The following CNTN4 variants were observed in gnomAD, a reference collection of about 807,000 sequenced individuals.
CNTN4 encodes contactin 4.
A neutral mutation model predicts 122.5 loss-of-function variants in CNTN4; 77 were observed. The observed-to-expected ratio is 0.63, with a 90% CI of 0.52 to 0.76. The LOEUF (loss-of-function observed/expected upper bound fraction) is 0.76, where lower values mean the gene tolerates loss of function less well. Among genes scored for constraint, CNTN4 ranks in the 30% least tolerant of loss-of-function variants. CNTN4 has a pLI of 0.00. For synonymous variants in CNTN4, 512 were observed against 447.0 expected (o/e 1.15, Z -1.83); for missense variants, 1,256 against 1,259.1 (o/e 1.00, Z 0.04).
chr3:2,631,210 G>A (rs2082415128), intron 4 of CNTN4, among the ~76,000 whole-genome samples: 1 of 152,186 alleles, frequency 6.6e-6, no homozygotes, highest in African/African-American at 2.4e-5. Context: ...AAAAAGGAAA[G>A]TAGTTACTCT....
chr3:2,720,786 C>T (rs902904726), intron 4 of CNTN4, among the ~76,000 whole-genome samples: 2 of 152,154 alleles, frequency 1.3e-5, no homozygotes, highest in Non-Finnish European at 2.9e-5. Flanking sequence ...AAACTAATCT[C>T]AGCACTTTAA....
intron 7 of CNTN4, among the ~76,000 whole-genome samples, chr3:2,823,755 T>C (rs1029142351): frequency 2.6e-5 from 4 of 152,148 alleles, no homozygotes; most frequent in African/African-American, 9.7e-5. Context: ...TACGAAAATT[T>C]CTAGTTTATT....
chr3:3,003,112 A>G (rs746203063), intron 14 of CNTN4, among the ~76,000 whole-genome samples: 3 of 152,216 alleles, frequency 2.0e-5, no homozygotes, highest in Non-Finnish European at 2.9e-5. Context: ...CAAATGGCTC[A>G]TAGAGAAAGG....
intron 4 of CNTN4, among the ~76,000 whole-genome samples, chr3:2,582,460 G>C (rs1437813885): frequency 6.7e-6 from 1 of 150,206 alleles, no homozygotes; most frequent in Non-Finnish European, 1.5e-5. Context: ...TATAGTCATG[G>C]AAGGTGGCTG....
intron 2 of CNTN4, among the ~76,000 whole-genome samples, chr3:2,105,305 C>G (rs1028072065): frequency 2.4e-4 from 36 of 152,272 alleles, no homozygotes; most frequent in African/African-American, 8.7e-4. Flanking sequence ...AAAACCAGCT[C>G]CTCTTGCATC....
At chr3:2,180,463 A>G (rs1263889446) in intron 2 of CNTN4, among the ~76,000 whole-genome samples, 1 of 152,022 alleles carries the variant, frequency 6.6e-6, no homozygotes, top group African/African-American at 2.4e-5. Flanking sequence ...CTTTTCAAAT[A>G]AGAAACACAT....
chr3:2,933,534 C>G (rs1432677248), intron 13 of CNTN4, among the ~76,000 whole-genome samples: 1 of 152,100 alleles, frequency 6.6e-6, no homozygotes, highest in Non-Finnish European at 1.5e-5. Flanking sequence ...ACTCAGTTCC[C>G]AAGCTTAACT....
At chr3:2,678,350 C>G (rs1439994738) in intron 4 of CNTN4, among the ~76,000 whole-genome samples, 1 of 151,996 alleles carries the variant, frequency 6.6e-6, no homozygotes, top group East Asian at 1.9e-4. Flanking sequence ...TTATCCTGTC[C>G]TTAATAATAT....
intron 2 of CNTN4, among the ~76,000 whole-genome samples, chr3:2,186,176 C>A (rs993080544): frequency 6.7e-6 from 1 of 150,208 alleles, no homozygotes; most frequent in South Asian, 2.1e-4. Context: ...TGAGAACATG[C>A]AGTGTTTGGT....
chr3:2,155,738 C>T (rs1049456644), intron 2 of CNTN4, among the ~76,000 whole-genome samples: 1 of 152,158 alleles, frequency 6.6e-6, no homozygotes, highest in Non-Finnish European at 1.5e-5. Context: ...CATTGGTCTT[C>T]GCTTCCTCCA....
chr3:2,701,520 T>C (rs9811644), intron 4 of CNTN4, among the ~76,000 whole-genome samples: 14,794 of 152,240 alleles, frequency 0.097, 1,312 homozygotes, highest in African/African-American at 0.24. Flanking sequence ...GAAGATCCAC[T>C]TATCCAATTT....
intron 2 of CNTN4, among the ~76,000 whole-genome samples, chr3:2,123,649 A>G (rs2033938284): frequency 6.6e-6 from 1 of 152,206 alleles, no homozygotes; most frequent in Admixed American, 6.5e-5. Flanking sequence ...GTAGTTTTCT[A>G]GCGCTACACT....
At chr3:2,785,892 G>A (rs1247416230) in intron 6 of CNTN4, among the ~76,000 whole-genome samples, 1 of 7,714 alleles carries the variant, frequency 1.3e-4, no homozygotes. Flanking sequence ...CCTGGCCCAC[G>A]CTGCCCCCCC....
chr3:2,194,248 G>C (rs1006744309), intron 2 of CNTN4, among the ~76,000 whole-genome samples: 1 of 152,076 alleles, frequency 6.6e-6, no homozygotes, highest in Non-Finnish European at 1.5e-5. Context: ...AGGATCACTT[G>C]AGCCCAGGAG....
At chr3:2,564,509 A>T (rs2079076781) in intron 3 of CNTN4, among the ~76,000 whole-genome samples, 1 of 152,176 alleles carries the variant, frequency 6.6e-6, no homozygotes, top group South Asian at 2.1e-4. Context: ...CTAATTAAAT[A>T]TTTTTGGCAT....
At chr3:2,460,184 T>C (rs1448780627) in intron 3 of CNTN4, among the ~76,000 whole-genome samples, 1 of 152,126 alleles carries the variant, frequency 6.6e-6, no homozygotes, top group African/African-American at 2.4e-5. Flanking sequence ...ATCCTATGTA[T>C]AGTTTATCAC....
In CNTN4 at chr3:2,288,910, C is replaced by T. The variant is rs142180373; in HGVS notation, c.-144-50268C>T. Among the ~76,000 whole-genome samples, 147 of 152,038 alleles carry T rather than the reference C, an allele frequency of 9.7e-4. 1 individual carries two copies. The highest frequency in any genetic ancestry group is 3.4e-3 in the Middle Eastern group (1 of 294). On this transcript the variant is annotated intron_variant, in intron 2 of 24. Coordinates refer to ENST00000418658, the MANE Select transcript of CNTN4 (RefSeq NM_175607.3). ...GGAAGGTGGTGAAAAGCAAGAAATT[C>T]CAAGGAATAGAGTTAAATGAAGGCA...
chr3:2,309,931 A>T (rs1423153941), intron 2 of CNTN4, among the ~76,000 whole-genome samples: 2 of 152,184 alleles, frequency 1.3e-5, no homozygotes, highest in African/African-American at 4.8e-5. Context: ...TCCTATCTGT[A>T]AAATAGTGGG....
intron 2 of CNTN4, among the ~76,000 whole-genome samples, chr3:2,169,716 A>G (rs1470168654): frequency 6.6e-6 from 1 of 152,114 alleles, no homozygotes; most frequent in Non-Finnish European, 1.5e-5. Context: ...TAAAGCTATT[A>G]TGAAAGATAT....
Sources: gnomAD v4.1 joint callset for allele counts (sites outside exome capture counted in the v4.1 genomes callset) on GRCh38, gnomAD v4.1.1 for gene constraint, MANE v1.5 for transcripts, NCBI Gene and HGNC (gene_info 2026-07-23, HGNC 2026-07-21) for gene names.